The following SGCD variants were observed in gnomAD, a reference collection of about 807,000 sequenced individuals.
SGCD encodes sarcoglycan delta, also known as delta-sarcoglycan.
Under a neutral mutation model 36.6 loss-of-function variants are expected in SGCD, and 18 were observed. The ratio of observed to expected loss-of-function variants is 0.49; its 90% CI spans 0.34 to 0.73. The LOEUF (loss-of-function observed/expected upper bound fraction) is 0.73. SGCD is among the 30% of genes least tolerant of loss of function. The pLI is 0.01. For synonymous variants in SGCD, 133 were observed against 130.6 expected (o/e 1.02, Z -0.12); for missense variants, 387 against 346.7 (o/e 1.12, Z -0.92).
chr5:155,934,021 A>G (rs1432898728), intron 1 of SGCD, among the ~76,000 whole-genome samples: 18 of 152,158 alleles, frequency 1.2e-4, no homozygotes, highest in Non-Finnish European at 8.8e-5. Context: ...ATCATCTCCT[A>G]TTGTTTTCTG....
At chr5:156,631,923 T>G (rs1375006575) in intron 6 of SGCD, among the ~76,000 whole-genome samples, 3 of 152,174 alleles carry the variant, frequency 2.0e-5, no homozygotes, top group African/African-American at 7.2e-5. Flanking sequence ...CTCTACCCTG[T>G]GAGAAAAATA....
intron 1 of SGCD, among the ~76,000 whole-genome samples, chr5:155,914,426 G>T (rs895613849): frequency 1.3e-5 from 2 of 152,170 alleles, no homozygotes; most frequent in African/African-American, 4.8e-5. Flanking sequence ...TCTAGATGGC[G>T]TTGAGATATG....
chr5:156,230,338 G>C (rs1764984334), intron 3 of SGCD, among the ~76,000 whole-genome samples: 1 of 152,148 alleles, frequency 6.6e-6, no homozygotes, highest in South Asian at 2.1e-4. Flanking sequence ...TAGGGCCGAA[G>C]GCTCTTGTTC....
At chr5:156,012,441 T>A (rs1758879972) in intron 1 of SGCD, among the ~76,000 whole-genome samples, 1 of 152,204 alleles carries the variant, frequency 6.6e-6, no homozygotes, top group Admixed American at 6.5e-5. Flanking sequence ...TTCAAAATTG[T>A]ATAGAGGTGG....
chr5:156,625,079 G>A (rs1762391365), intron 6 of SGCD, among the ~76,000 whole-genome samples: 3 of 152,204 alleles, frequency 2.0e-5, no homozygotes, highest in Admixed American at 2.0e-4. Context: ...ACTCAGGCTA[G>A]CGATGGCACC....
intron 7 of SGCD, among the ~76,000 whole-genome samples, chr5:156,650,445 G>T (rs1252106994): frequency 6.6e-6 from 1 of 152,088 alleles, no homozygotes; most frequent in Non-Finnish European, 1.5e-5. Flanking sequence ...CACCCAGGTA[G>T]TAAGAGTAAT....
chr5:156,408,191 T>C (rs1772525638), intron 3 of SGCD, among the ~76,000 whole-genome samples: 1 of 152,162 alleles, frequency 6.6e-6, no homozygotes, highest in Non-Finnish European at 1.5e-5. Context: ...TATGAGTGTT[T>C]CTTGAAGCTT....
the SGCD span, among the ~76,000 whole-genome samples, chr5:155,849,454 A>G: frequency 1.1e-4 from 17 of 152,026 alleles, no homozygotes; most frequent in Non-Finnish European, 2.5e-4. Context: ...GCGCACACAC[A>G]CACACACACA....
chr5:156,690,648 A>G (rs1171149524), intron 7 of SGCD, among the ~76,000 whole-genome samples: 3 of 152,140 alleles, frequency 2.0e-5, no homozygotes, highest in African/African-American at 7.2e-5. Flanking sequence ...TTATAAATAG[A>G]AGACATAGCC....
chr5:156,350,091 G>A (rs1474129896), intron 3 of SGCD, among the ~76,000 whole-genome samples: 1 of 151,112 alleles, frequency 6.6e-6, no homozygotes. Context: ...AAGAGGAGAG[G>A]GTGGGAAGGG....
At chr5:156,356,150 C>T (rs1049995268) in intron 3 of SGCD, among the ~76,000 whole-genome samples, 2 of 152,156 alleles carry the variant, frequency 1.3e-5, no homozygotes, top group Admixed American at 6.5e-5. Flanking sequence ...CAACAAACTA[C>T]CCCAAAACTT....
At chr5:155,980,805 C>G (rs1123776) in intron 1 of SGCD, among the ~76,000 whole-genome samples, 9,030 of 151,814 alleles carry the variant, frequency 0.059, 946 homozygotes, top group African/African-American at 0.21. Context: ...CAAAGAAACA[C>G]AAAAAAACAA....
chr5:155,800,706 C>A, the SGCD span, among the ~76,000 whole-genome samples: 1 of 151,950 alleles, frequency 6.6e-6, no homozygotes, highest in African/African-American at 2.4e-5. Flanking sequence ...CAGATCTTTG[C>A]GCAGTTTGGG....
At chr5:156,211,538 G>C (rs1764441743) in intron 3 of SGCD, among the ~76,000 whole-genome samples, 1 of 151,612 alleles carries the variant, frequency 6.6e-6, no homozygotes, top group Admixed American at 6.6e-5. Flanking sequence ...AACCTGGGAG[G>C]CGGAGCCTGC....
At chr5:156,190,906 T>A (rs1289261635) in intron 3 of SGCD, among the ~76,000 whole-genome samples, 1 of 152,174 alleles carries the variant, frequency 6.6e-6, no homozygotes, top group East Asian at 1.9e-4. Context: ...TGAGAAAATT[T>A]TCTAGAAATA....
intron 1 of SGCD, among the ~76,000 whole-genome samples, chr5:155,983,674 T>C (rs186569534): frequency 1.5e-3 from 236 of 152,300 alleles, no homozygotes; most frequent in African/African-American, 5.5e-3. Flanking sequence ...GATAGCACCA[T>C]AGAAACAGAA....
chr5:156,260,186 A>T (rs1049495613), intron 3 of SGCD, among the ~76,000 whole-genome samples: 11 of 152,184 alleles, frequency 7.2e-5, no homozygotes, highest in Non-Finnish European at 1.3e-4. Flanking sequence ...AAAATAGCAT[A>T]TGTCCTCTAA....
At chr5:155,780,507 T>A in the SGCD span, among the ~76,000 whole-genome samples, 23 of 152,152 alleles carry the variant, frequency 1.5e-4, no homozygotes, top group Non-Finnish European at 2.5e-4. Context: ...ATGTACTTAT[T>A]TATCCCTGAA....
chr5:155,811,186 T>C, the SGCD span, among the ~76,000 whole-genome samples: 7 of 152,088 alleles, frequency 4.6e-5, no homozygotes, highest in African/African-American at 1.7e-4. Flanking sequence ...TACCAATAGA[T>C]CATTATGTTT....
Sources: gnomAD v4.1 joint callset for allele counts (sites outside exome capture counted in the v4.1 genomes callset) on GRCh38, gnomAD v4.1.1 for gene constraint, MANE v1.5 for transcripts, NCBI Gene and HGNC (gene_info 2026-07-23, HGNC 2026-07-21) for gene names.